NUP93: variants seen among roughly 807,000 people sequenced by gnomAD.
NUP93 encodes nuclear pore complex protein Nup93.
In NUP93, 55 loss-of-function variants were observed where a neutral mutation model predicts 107.8. The ratio of observed to expected loss-of-function variants is 0.51; its 90% CI spans 0.41 to 0.64. The LOEUF (loss-of-function observed/expected upper bound fraction) is 0.64. Among genes scored for constraint, NUP93 ranks in the 30% least tolerant of loss-of-function variants. The pLI is 0.00. For synonymous variants in NUP93, 390 were observed against 397.5 expected, an observed-to-expected ratio of 0.98 and a Z score of 0.22; for missense variants, 937 against 1,044.7, an observed-to-expected ratio of 0.90 and a Z score of 1.42.
At chr16:56,805,753 C>A in intron 5 of NUP93, 121 bp downstream of exon 5, 2 of 1,130,274 alleles carry the variant, frequency 1.8e-6, no homozygotes, top group South Asian at 1.5e-5. Flanking sequence ...ACACTTTCTT[C>A]ACTTAGCTTT....
rs1461321638 is a variant in NUP93 at position 56,828,976 on chromosome 16, G to A, written c.795-1G>A. 6.2e-7 allele frequency: 1 copy of A among 1,612,520 alleles called. No individual in the cohort carries two copies. The highest frequency in any genetic ancestry group is 8.5e-7 in the Non-Finnish European group (1 of 1,179,634). The stretch of plus-strand genomic sequence containing the variant: ...TGTTTTTTCCTTTAAAATTTTTCCA[G>A]TTATAAGAATTACACCCTTGTGACT... On this transcript the variant is annotated splice_acceptor_variant, in intron 8 of 21. Transcript: ENST00000308159. LOFTEE classifies it high-confidence loss of function.
chr16:56,780,299 A>G (rs1962489966), intron 3 of NUP93, among the ~76,000 whole-genome samples: 1 of 152,226 alleles, frequency 6.6e-6, no homozygotes, highest in African/African-American at 2.4e-5. Context: ...AGAAAACTAG[A>G]AAGCTCTTCA....
At chr16:56,803,396 C>T (rs1048707534) in intron 4 of NUP93, among the ~76,000 whole-genome samples, 1 of 151,954 alleles carries the variant, frequency 6.6e-6, no homozygotes, top group Non-Finnish European at 1.5e-5. Flanking sequence ...ACTCAGGAGG[C>T]GGAGTTTGCA....
At position 56,849,940 on chromosome 16, in the gene NUP93, G is replaced by C. The variant is rs1239730909; in HGVS notation, c.*5331G>C. ...TGGGCCCCAGTTGACCTCAGTGGCT[G>C]TCATCTACTGTGTTTTTCAACCAGG... On this transcript the variant is annotated 3_prime_UTR_variant, in exon 22 of 22. Transcript: ENST00000308159. The C allele has an allele frequency of 2.0e-5, 3 of 152,168 alleles. No homozygotes were observed. The highest frequency in any genetic ancestry group is 2.9e-5 in the Non-Finnish European group (2 of 68,038). The allele number at this position is 152,168 out of a possible 1,614,324, so 9.4% of individuals were successfully genotyped here.
chr16:56,833,120 CT>C (rs1963829701), intron 12 of NUP93, 94 bp from the exon 13 acceptor site: 2 of 1,053,346 alleles, frequency 1.9e-6, no homozygotes, highest in Non-Finnish European at 1.4e-6. Context: ...CCAGCAAGTC[CT>C]GTGGGCTCAC....
intron 2 of NUP93, among the ~76,000 whole-genome samples, chr16:56,753,906 A>T (rs1387196943): frequency 6.6e-6 from 1 of 152,182 alleles, no homozygotes; most frequent in Non-Finnish European, 1.5e-5. Flanking sequence ...TGTAGATGAA[A>T]CAGGGTTGGC....
intron 4 of NUP93, among the ~76,000 whole-genome samples, chr16:56,799,902 A>G (rs187218046): frequency 1.0e-3 from 159 of 152,310 alleles, no homozygotes; most frequent in African/African-American, 3.6e-3. Context: ...TAAAATTCCC[A>G]TCATGCACAG....
At chr16:56,754,258 G>A (rs1961977256) in intron 2 of NUP93, among the ~76,000 whole-genome samples, 1 of 152,156 alleles carries the variant, frequency 6.6e-6, no homozygotes, top group Admixed American at 6.5e-5. Context: ...CTCCAATGTT[G>A]AGGATTACAG....
intron 3 of NUP93, among the ~76,000 whole-genome samples, chr16:56,785,786 T>G (rs932524449): frequency 6.6e-6 from 1 of 152,220 alleles, no homozygotes; most frequent in Admixed American, 6.5e-5. Context: ...ATAAAAATTT[T>G]GAGATTTTCG....
At chr16:56,838,872 T>C in intron 18 of NUP93, 80 bp from the exon 19 acceptor site, 1 of 968,710 alleles carries the variant, frequency 1.0e-6, no homozygotes. Flanking sequence ...ACTGTTTTTT[T>C]AAATGCTATT....
At chr16:56,823,436 A>C (rs1349707887) in intron 7 of NUP93, among the ~76,000 whole-genome samples, 14 of 152,152 alleles carry the variant, frequency 9.2e-5, no homozygotes, top group African/African-American at 3.1e-4. Flanking sequence ...GGTTTTAATT[A>C]TGTACGTGGT....
At chr16:56,804,215 C>A (rs1963083296) in intron 4 of NUP93, among the ~76,000 whole-genome samples, 2 of 152,152 alleles carry the variant, frequency 1.3e-5, no homozygotes, top group Admixed American at 1.3e-4. Context: ...AGTTCCACTT[C>A]TGAGTATATA....
In NUP93 at chr16:56,768,524, T is replaced by A. The variant is rs1030583027; in HGVS notation, c.297+9869T>A. Among the ~76,000 whole-genome samples, 14 of 148,278 alleles carry A rather than the reference T, an allele frequency of 9.4e-5. No homozygotes were observed. In the South Asian group the frequency reaches 3.0e-3, roughly 32 times the overall value. ...GTTGTGGTGAACCAAGATCACGCCA[T>A]TGCACTCCAGCCTGGGTGACAAAAG... On this transcript the variant is annotated intron_variant, in intron 3 of 21. Coordinates refer to ENST00000308159, the MANE Select transcript of NUP93 (RefSeq NM_014669.5).
intron 7 of NUP93, among the ~76,000 whole-genome samples, chr16:56,822,311 A>C (rs1221803710): frequency 1.3e-5 from 2 of 151,788 alleles, no homozygotes; most frequent in Non-Finnish European, 2.9e-5. Flanking sequence ...CAGGAGTTCA[A>C]GACCAGCTTG....
chr16:56,835,144 A>G (rs533973276), intron 16 of NUP93, among the ~76,000 whole-genome samples: 2 of 152,342 alleles, frequency 1.3e-5, no homozygotes, highest in African/African-American at 2.4e-5. Flanking sequence ...AAGATGGGAA[A>G]GTTAGACATG....
chr16:56,811,426 A>G (rs1963313345), intron 5 of NUP93, among the ~76,000 whole-genome samples: 1 of 152,186 alleles, frequency 6.6e-6, no homozygotes, highest in South Asian at 2.1e-4. Flanking sequence ...GAGACTACAC[A>G]ATGTAAAAGG....
At chr16:56,782,100 G>A (rs1962527171) in intron 3 of NUP93, 1 of 985,126 alleles carries the variant, frequency 1.0e-6, no homozygotes, top group African/African-American at 1.7e-5. Context: ...GTTTGGGGTG[G>A]GAAAAACTTG....
intron 5 of NUP93, among the ~76,000 whole-genome samples, chr16:56,815,660 G>A (rs1963405410): frequency 6.6e-6 from 1 of 152,162 alleles, no homozygotes; most frequent in African/African-American, 2.4e-5. Context: ...CTGTGTTGAA[G>A]TCTTCCACTT....
chr16:56,749,765 T>C (rs2144461297), intron 2 of NUP93, among the ~76,000 whole-genome samples: 1 of 152,334 alleles, frequency 6.6e-6, no homozygotes, highest in South Asian at 2.1e-4. Flanking sequence ...AAAATGTTAT[T>C]TTCTAAAATA....
Sources: allele counts gnomAD v4.1 joint callset (sites outside exome capture counted in the v4.1 genomes callset), GRCh38; gene constraint gnomAD v4.1.1; transcripts MANE v1.5; gene names NCBI Gene and HGNC (gene_info 2026-07-23, HGNC 2026-07-21).